The following CNKSR2 variants were observed in gnomAD, a reference collection of about 807,000 sequenced individuals.
The protein encoded by CNKSR2 is connector enhancer of kinase suppressor of Ras 2.
In CNKSR2, 14 loss-of-function variants were observed where a neutral mutation model predicts 84.4. The observed-to-expected ratio is 0.17, with a 90% CI of 0.11 to 0.26. CNKSR2 has a LOEUF of 0.26. Ranked by LOEUF, CNKSR2 falls within the 10% of genes least tolerant of loss-of-function variation. The pLI is 1.00. For missense variants in CNKSR2, 485 were observed against 771.2 expected (o/e 0.63, Z 4.40); for synonymous variants, 275 against 277.9 (o/e 0.99, Z 0.10).
chrX:21,581,056 A>C (rs1436907758), intron 13 of CNKSR2, among the ~76,000 whole-genome samples: 1 of 111,841 alleles, frequency 8.9e-6, no homozygotes, highest in Non-Finnish European at 1.9e-5. Flanking sequence ...GTGATAAGTT[A>C]TTTCCATACA....
rs758155485 is a variant in CNKSR2, at chrX:21,465,663, A to G, written c.520-5103A>G. Among the ~76,000 whole-genome samples, 114 of 111,232 alleles carry G rather than the reference A, an allele frequency of 1.0e-3. 1 individual carries two copies. The highest frequency in any genetic ancestry group is 2.3e-4 in the Non-Finnish European group (12 of 53,060). On this transcript the variant is annotated intron_variant, in intron 4 of 21. Coordinates refer to ENST00000379510, the MANE Select transcript of CNKSR2 (RefSeq NM_014927.5). ...TTTATAAAGTTCCATGAAATATAAT[A>G]GTATTATTATTAGAGATATACACTA...
intron 5 of CNKSR2, among the ~76,000 whole-genome samples, chrX:21,488,324 A>T (rs2091406928): frequency 8.9e-6 from 1 of 112,121 alleles, no homozygotes; most frequent in African/African-American, 3.2e-5. Context: ...ACTCTTTTTA[A>T]TGCATTATCA....
intron 1 of CNKSR2, among the ~76,000 whole-genome samples, chrX:21,421,422 GT>G (rs1242455851): frequency 9.3e-6 from 1 of 108,065 alleles, no homozygotes; most frequent in African/African-American, 3.4e-5. Context: ...TTAAATTGGT[GT>G]CCTTGCGGGG....
At position 21,378,101 on chromosome X, in the gene CNKSR2, A is replaced by G. The variant is rs1315351534; in HGVS notation, c.64+3140A>G. Reference sequence around the variant, plus strand: ...TAAAAATTGGATATGACACAGTGTCAATGTTATTTCCAGTAAGTACATGAA... The same window carrying G: ...TAAAAATTGGATATGACACAGTGTCGATGTTATTTCCAGTAAGTACATGAA... On this transcript the variant is annotated intron_variant, in intron 1 of 21. Transcript: ENST00000379510. Among the ~76,000 whole-genome samples, 4 of 111,925 alleles carry G rather than the reference A, an allele frequency of 3.6e-5. No individual in the cohort carries two copies. In the East Asian group the frequency reaches 8.4e-4, roughly 23 times the overall value.
At chrX:21,439,132 C>T (rs753723850) in intron 3 of CNKSR2, among the ~76,000 whole-genome samples, 63 of 111,375 alleles carry the variant, frequency 5.7e-4, no homozygotes, top group Non-Finnish European at 4.0e-4. Context: ...AATAAAAATT[C>T]TTTTCAAGTA....
chrX:21,473,208 G>GACA (rs1282172596), intron 5 of CNKSR2, among the ~76,000 whole-genome samples: 1 of 111,473 alleles, frequency 9.0e-6, no homozygotes, highest in Non-Finnish European at 1.9e-5. Context: ...TGATGATGAT[G>GACA]ACAACAGTGA....
intron 20 of CNKSR2, among the ~76,000 whole-genome samples, chrX:21,623,012 T>A (rs2092608274): frequency 9.0e-6 from 1 of 111,100 alleles, no homozygotes; most frequent in Non-Finnish European, 1.9e-5. Context: ...CAGAATATGT[T>A]TGTATAGAGT....
intron 1 of CNKSR2, among the ~76,000 whole-genome samples, chrX:21,412,906 C>T (rs1024770263): frequency 8.9e-5 from 10 of 111,796 alleles, no homozygotes; most frequent in Non-Finnish European, 1.9e-4. Context: ...GTAAAATGCA[C>T]ATATCATCAA....
At chrX:21,590,752 T>G in intron 14 of CNKSR2, 132 bp downstream of exon 14, 1 of 605,613 alleles carries the variant, frequency 1.7e-6, no homozygotes, top group Non-Finnish European at 2.5e-6. Flanking sequence ...GTGCGAAAGC[T>G]GCCAGCTTCT....
intron 18 of CNKSR2, among the ~76,000 whole-genome samples, chrX:21,603,993 T>C (rs1218746660): frequency 9.0e-6 from 1 of 111,697 alleles, no homozygotes; most frequent in Non-Finnish European, 1.9e-5. Flanking sequence ...CCATTTAATT[T>C]GTGCTATATA....
chrX:21,453,449 C>T (rs1056336616), intron 4 of CNKSR2, among the ~76,000 whole-genome samples: 2 of 111,561 alleles, frequency 1.8e-5, no homozygotes, highest in Admixed American at 9.5e-5. Flanking sequence ...CTGCTTGAAA[C>T]TCCTTGATGG....
chrX:21,490,724 G>A, intron 6 of CNKSR2, 146 bp downstream of exon 6: 1 of 492,157 alleles, frequency 2.0e-6, no homozygotes, highest in Non-Finnish European at 3.0e-6. Flanking sequence ...TTATGGTAGT[G>A]GAAGTTTGTG....
At chrX:21,452,717 A>G (rs1214264287) in intron 4 of CNKSR2, among the ~76,000 whole-genome samples, 1 of 110,541 alleles carries the variant, frequency 9.0e-6, no homozygotes, top group African/African-American at 3.3e-5. Flanking sequence ...CACTGACAGA[A>G]GAACAAAGTA....
chrX:21,565,229 C>G (rs181705601), intron 13 of CNKSR2, among the ~76,000 whole-genome samples: 1 of 111,707 alleles, frequency 9.0e-6, no homozygotes, highest in East Asian at 2.8e-4. Flanking sequence ...TTTAAATACT[C>G]AGCCTGCTCC....
chrX:21,648,789 TCTTTC>T (rs2092712863), intron 20 of CNKSR2, 37 bp from the exon 21 acceptor site: 2 of 820,501 alleles, frequency 2.4e-6, no homozygotes, highest in African/African-American at 2.7e-5. Context: ...TCTCTCTCTC[TCTTTC>T]TTTTTTTTTT....
chrX:21,533,308 C>G (rs954596845), intron 11 of CNKSR2, among the ~76,000 whole-genome samples: 2 of 109,992 alleles, frequency 1.8e-5, no homozygotes, highest in Admixed American at 9.7e-5. Flanking sequence ...TATCCCTACC[C>G]TTGCCCCATG....
chrX:21,511,005 A>G (rs1266005966), intron 8 of CNKSR2, among the ~76,000 whole-genome samples: 1 of 111,689 alleles, frequency 9.0e-6, no homozygotes, highest in East Asian at 2.8e-4. Flanking sequence ...AGCCCATGAA[A>G]TTAATGTGAA....
intron 13 of CNKSR2, among the ~76,000 whole-genome samples, chrX:21,572,385 A>G (rs1040660329): frequency 1.8e-5 from 2 of 112,990 alleles, no homozygotes; most frequent in African/African-American, 3.2e-5. Flanking sequence ...TTGAATAATC[A>G]TAAAATAATA....
chrX:21,486,180 A>T (rs997717719), intron 5 of CNKSR2, among the ~76,000 whole-genome samples: 5 of 112,203 alleles, frequency 4.5e-5, no homozygotes, highest in African/African-American at 1.6e-4. Flanking sequence ...GAAAATAGCA[A>T]ATAATAACAG....
Sources: gnomAD v4.1 joint callset for allele counts (sites outside exome capture counted in the v4.1 genomes callset) on GRCh38, gnomAD v4.1.1 for gene constraint, MANE v1.5 for transcripts, NCBI Gene and HGNC (gene_info 2026-07-23, HGNC 2026-07-21) for gene names.